The following NMBR variants were observed in gnomAD, a reference collection of about 807,000 sequenced individuals.
NMBR encodes the protein neuromedin-B receptor.
In NMBR, 16 loss-of-function variants were observed where a neutral mutation model predicts 20.5. The observed-to-expected ratio is 0.78, with a 90% CI of 0.53 to 1.19. The LOEUF (loss-of-function observed/expected upper bound fraction) is 1.19, where lower values mean the gene tolerates loss of function less well. Ranked by LOEUF, NMBR falls within the 50% of genes most tolerant of loss-of-function variation. NMBR has a pLI of 0.00. For synonymous variants in NMBR, 212 were observed against 196.6 expected (o/e 1.08, Z -0.65); for missense variants, 582 against 499.1 (o/e 1.17, Z -1.58).
At chr6:142,129,345 A>G (rs1360918029) in intron 1 of NMBR, among the ~76,000 whole-genome samples, 1 of 152,070 alleles carries the variant, frequency 6.6e-6, no homozygotes, top group Non-Finnish European at 1.5e-5. Flanking sequence ...TTGAGCAAAC[A>G]CCCTTGTATT....
chr6:142,081,542 T>C (rs1777096709), intron 2 of NMBR, among the ~76,000 whole-genome samples: 1 of 152,120 alleles, frequency 6.6e-6, no homozygotes, highest in Non-Finnish European at 1.5e-5. Context: ...AAGGGGAGAA[T>C]TGAAAATCCT....
At chr6:142,145,150 T>A (rs1295995618) in intron 1 of NMBR, among the ~76,000 whole-genome samples, 1 of 151,870 alleles carries the variant, frequency 6.6e-6, no homozygotes, top group African/African-American at 2.4e-5. Context: ...TATTTTTCCC[T>A]CAGTCCTGCT....
intron 1 of NMBR, among the ~76,000 whole-genome samples, chr6:142,111,830 G>A (rs1258579505): frequency 6.6e-6 from 1 of 152,114 alleles, no homozygotes; most frequent in Non-Finnish European, 1.5e-5. Flanking sequence ...TTGGTAAGAT[G>A]GCTCCCAAAT....
chr6:142,090,427 A>C (rs1417830253), intron 1 of NMBR, among the ~76,000 whole-genome samples: 1 of 151,974 alleles, frequency 6.6e-6, no homozygotes, highest in East Asian at 1.9e-4. Context: ...CAAGGTAAAC[A>C]TTTGCATTGT....
At chr6:142,098,198 A>AC (rs1306841421) in intron 1 of NMBR, among the ~76,000 whole-genome samples, 1 of 152,126 alleles carries the variant, frequency 6.6e-6, no homozygotes, top group Non-Finnish European at 1.5e-5. Context: ...GGCTCAGCAA[A>AC]CCCCAGGCAG....
chr6:142,111,952 G>A (rs990237794), intron 1 of NMBR, among the ~76,000 whole-genome samples: 3 of 152,152 alleles, frequency 2.0e-5, no homozygotes, highest in Non-Finnish European at 4.4e-5. Context: ...TTCTAATTAA[G>A]TAGCATTTGC....
intron 1 of NMBR, among the ~76,000 whole-genome samples, chr6:142,096,634 A>C (rs543666873): frequency 6.6e-6 from 1 of 152,166 alleles, no homozygotes; most frequent in Admixed American, 6.5e-5. Context: ...GGTGCTGAAA[A>C]GAATGTATAT....
At position 142,075,947 on chromosome 6, in the gene NMBR, T is replaced by C; in HGVS notation, c.874A>G (p.Asn292Asp). 1 of 1,613,890 alleles carries C rather than the reference T, an allele frequency of 6.2e-7. No homozygotes were observed. Among genetic ancestry groups the C allele is most frequent in the East Asian group, 2.2e-5 (1 of 44,864 alleles). ...AGAGATGGATCAATCTCATTATAGT[T>C]GAAAGACCGATACATGTAAAGGATG... ...NHILYMYRSF[N>D]YNEIDPSLGH... is the part of the protein sequence containing the mutation. The change falls in exon 4 of 4, where the codon AAC becomes GAC. Residue 292 changes from asparagine (N) to aspartate (D), a missense_variant. Coordinates refer to ENST00000258042, the MANE Select transcript of NMBR (RefSeq NM_002511.4).
At chr6:142,105,194 C>T (rs1247782076) in intron 1 of NMBR, among the ~76,000 whole-genome samples, 1 of 152,094 alleles carries the variant, frequency 6.6e-6, no homozygotes, top group African/African-American at 2.4e-5. Flanking sequence ...GGGGCAGGAA[C>T]AGATCACAAT....
chr6:142,129,322 A>C (rs957753456), intron 1 of NMBR, among the ~76,000 whole-genome samples: 1 of 152,098 alleles, frequency 6.6e-6, no homozygotes, highest in African/African-American at 2.4e-5. Context: ...GAAACTAAAA[A>C]CTTCAAGCAA....
At chr6:142,085,335 C>T (rs1014066773) in intron 2 of NMBR, among the ~76,000 whole-genome samples, 3 of 152,098 alleles carry the variant, frequency 2.0e-5, no homozygotes, top group Admixed American at 6.5e-5. Context: ...ACCAGCCTGG[C>T]CAACATGGTG....
At chr6:142,088,141 G>C in intron 2 of NMBR, 96 bp downstream of exon 2, 1 of 1,237,508 alleles carries the variant, frequency 8.1e-7, no homozygotes, top group Non-Finnish European at 1.1e-6. Flanking sequence ...ACCTTTCCTT[G>C]CGTCCTTCTG....
intron 1 of NMBR, among the ~76,000 whole-genome samples, chr6:142,091,657 T>C (rs1777325960): frequency 6.6e-6 from 1 of 152,192 alleles, no homozygotes; most frequent in Non-Finnish European, 1.5e-5. Context: ...ACAAGATAAA[T>C]TGTCTAATTT....
intron 1 of NMBR, chr6:142,134,488 A>G (rs1778209801): frequency 4.2e-6 from 2 of 476,014 alleles, no homozygotes; most frequent in Non-Finnish European, 7.4e-6. Flanking sequence ...TTAGTTACAT[A>G]TTGATTAATT....
chr6:142,123,572 A>T (rs1036804611), intron 1 of NMBR, among the ~76,000 whole-genome samples: 1 of 151,920 alleles, frequency 6.6e-6, no homozygotes, highest in Non-Finnish European at 1.5e-5. Flanking sequence ...GATGTGGCTG[A>T]CTTCATTGTC....
At chr6:142,124,618 C>G (rs1424452170) in intron 1 of NMBR, among the ~76,000 whole-genome samples, 1 of 151,638 alleles carries the variant, frequency 6.6e-6, no homozygotes, top group Non-Finnish European at 1.5e-5. Flanking sequence ...TGGCATATCC[C>G]CCGCCAAAAA....
intron 1 of NMBR, among the ~76,000 whole-genome samples, chr6:142,106,261 G>A (rs151132633): frequency 6.6e-6 from 1 of 152,180 alleles, no homozygotes; most frequent in African/African-American, 2.4e-5. Context: ...AAAACAGGGA[G>A]AGCAGGGAAG....
intron 1 of NMBR, among the ~76,000 whole-genome samples, chr6:142,091,739 T>G (rs868031850): frequency 6.6e-6 from 1 of 152,206 alleles, no homozygotes; most frequent in South Asian, 2.1e-4. Flanking sequence ...GTCTCTTTGT[T>G]TCTGGAGAAA....
intron 1 of NMBR, among the ~76,000 whole-genome samples, chr6:142,123,003 A>G (rs1208991452): frequency 6.6e-6 from 1 of 151,932 alleles, no homozygotes; most frequent in Non-Finnish European, 1.5e-5. Flanking sequence ...GTCTTATTAT[A>G]TAAGGAATAC....
Sources: allele counts gnomAD v4.1 joint callset (sites outside exome capture counted in the v4.1 genomes callset), GRCh38; gene constraint gnomAD v4.1.1; transcripts MANE v1.5; gene names NCBI Gene and HGNC (gene_info 2026-07-23, HGNC 2026-07-21).